Variants in FOXP1 observed in about 807,000 individuals in gnomAD.
The protein encoded by FOXP1 is forkhead box P1, also known as forkhead box protein P1.
Under a neutral mutation model 98.2 loss-of-function variants are expected in FOXP1, and 15 were observed. The observed-to-expected ratio is 0.15, with a 90% CI of 0.10 to 0.24. The LOEUF (loss-of-function observed/expected upper bound fraction) is 0.24, where lower values mean the gene tolerates loss of function less well. FOXP1 is among the 10% of genes least tolerant of loss of function. FOXP1 has a pLI of 1.00. For synonymous variants in FOXP1, 371 were observed against 314.5 expected, an observed-to-expected ratio of 1.18 and a Z score of -1.90; for missense variants, 633 against 848.5, an observed-to-expected ratio of 0.75 and a Z score of 3.15.
chr3:71,101,880 T>C (rs1276460774), intron 7 of FOXP1, among the ~76,000 whole-genome samples: 2 of 152,144 alleles, frequency 1.3e-5, no homozygotes, highest in Non-Finnish European at 2.9e-5. Flanking sequence ...TTTACCAAAG[T>C]TCTTCAATGG....
chr3:71,024,217 G>GT (rs1272551266), intron 11 of FOXP1, among the ~76,000 whole-genome samples: 1 of 152,146 alleles, frequency 6.6e-6, no homozygotes, highest in East Asian at 1.9e-4. Flanking sequence ...GGCCGCATGC[G>GT]TTTCCCTGGC....
intron 6 of FOXP1, among the ~76,000 whole-genome samples, chr3:71,177,246 C>T (rs2061997380): frequency 6.6e-6 from 1 of 152,092 alleles, no homozygotes. Context: ...ATGAAACCAA[C>T]CTAAGTTACA....
chr3:71,308,797 GTGTGTGT>G (rs2074479770), intron 4 of FOXP1, among the ~76,000 whole-genome samples: 2 of 147,450 alleles, frequency 1.4e-5, no homozygotes, highest in Non-Finnish European at 1.5e-5. Flanking sequence ...GTGTGTGTGT[GTGTGTGT>G]GTGGGTGAGG....
At chr3:71,140,426 T>G (rs2060012817) in intron 6 of FOXP1, among the ~76,000 whole-genome samples, 1 of 152,242 alleles carries the variant, frequency 6.6e-6, no homozygotes, top group African/African-American at 2.4e-5. Context: ...GAAGTACTTC[T>G]GGTTTTGGAT....
intron 6 of FOXP1, among the ~76,000 whole-genome samples, chr3:71,182,308 T>C (rs2062359922): frequency 6.6e-6 from 1 of 152,122 alleles, no homozygotes; most frequent in Non-Finnish European, 1.5e-5. Flanking sequence ...CCCTTATTCC[T>C]ATGCAAAAAA....
At chr3:71,492,260 T>C (rs1308066322) in intron 3 of FOXP1, among the ~76,000 whole-genome samples, 2 of 152,098 alleles carry the variant, frequency 1.3e-5, no homozygotes, top group African/African-American at 4.8e-5. Context: ...GAGACCAGCC[T>C]GGCCAATGTG....
At chr3:71,418,742 T>A (rs765519699) in intron 3 of FOXP1, among the ~76,000 whole-genome samples, 1 of 152,112 alleles carries the variant, frequency 6.6e-6, no homozygotes, top group East Asian at 1.9e-4. Context: ...CAATATTTTG[T>A]CCAGTTAGCC....
intron 6 of FOXP1, among the ~76,000 whole-genome samples, chr3:71,173,356 C>A (rs1392897091): frequency 3.4e-5 from 5 of 148,402 alleles, no homozygotes; most frequent in Admixed American, 2.1e-4. Flanking sequence ...ATGGGAACTG[C>A]CTCAATTTAG....
At chr3:71,305,167 G>A (rs1029524934) in intron 4 of FOXP1, among the ~76,000 whole-genome samples, 9 of 152,162 alleles carry the variant, frequency 5.9e-5, no homozygotes, top group African/African-American at 1.9e-4. Flanking sequence ...TGAATATGGT[G>A]CTTTCTAAAG....
intron 3 of FOXP1, among the ~76,000 whole-genome samples, chr3:71,407,452 C>G (rs551848550): frequency 6.6e-6 from 1 of 152,280 alleles, no homozygotes; most frequent in East Asian, 1.9e-4. Flanking sequence ...TTACATTATG[C>G]ACCATATTAT....
chr3:70,969,808 C>A (rs2035805894), intron 19 of FOXP1: 1 of 152,118 alleles, frequency 6.6e-6, no homozygotes, highest in African/African-American at 2.4e-5. Flanking sequence ...CAGAGGACTG[C>A]AATGGTATTG....
chr3:71,340,376 C>A (rs569181078), intron 4 of FOXP1, among the ~76,000 whole-genome samples: 36 of 152,300 alleles, frequency 2.4e-4, no homozygotes, highest in African/African-American at 7.7e-4. Context: ...CTAGCATACA[C>A]TACTTGTGCC....
chr3:71,366,782 C>T (rs983658146), intron 3 of FOXP1, among the ~76,000 whole-genome samples: 1 of 152,194 alleles, frequency 6.6e-6, no homozygotes, highest in African/African-American at 2.4e-5. Context: ...GTATCTTACG[C>T]ACTCAATTAA....
At chr3:70,959,463 T>G in intron 20 of FOXP1, 72 bp from the exon 21 acceptor site, 1 of 1,579,856 alleles carries the variant, frequency 6.3e-7, no homozygotes, top group Non-Finnish European at 8.7e-7. Context: ...CTGAAAAGTT[T>G]GGGGCAACAG....
intron 6 of FOXP1, among the ~76,000 whole-genome samples, chr3:71,192,187 G>C (rs527539230): frequency 3.6e-4 from 55 of 152,294 alleles, no homozygotes; most frequent in African/African-American, 1.3e-3. Flanking sequence ...GCTACAACGG[G>C]AAAGGCCAAT....
chr3:71,301,236 C>T (rs1383011547), intron 4 of FOXP1, among the ~76,000 whole-genome samples: 2 of 152,116 alleles, frequency 1.3e-5, no homozygotes, highest in Non-Finnish European at 2.9e-5. Context: ...CAAAACAATT[C>T]AAATTGAAAA....
chr3:71,069,258 G>C (rs1040820329), intron 7 of FOXP1, among the ~76,000 whole-genome samples: 1 of 152,116 alleles, frequency 6.6e-6, no homozygotes, highest in Non-Finnish European at 1.5e-5. Context: ...TGGTTAATTT[G>C]TATATACACA....
chr3:71,344,107 C>T (rs574928271), intron 4 of FOXP1, among the ~76,000 whole-genome samples: 11 of 152,322 alleles, frequency 7.2e-5, no homozygotes, highest in African/African-American at 2.2e-4. Flanking sequence ...TGTGTGAGTA[C>T]ATCCGCCATC....
intron 3 of FOXP1, among the ~76,000 whole-genome samples, chr3:71,487,796 A>C (rs1265030244): frequency 6.6e-6 from 1 of 152,258 alleles, no homozygotes; most frequent in African/African-American, 2.4e-5. Flanking sequence ...TAATCCCGTA[A>C]GGGGCTTAGA....
Sources: allele counts gnomAD v4.1 joint callset (sites outside exome capture counted in the v4.1 genomes callset), GRCh38; gene constraint gnomAD v4.1.1; transcripts MANE v1.5; gene names NCBI Gene and HGNC (gene_info 2026-07-23, HGNC 2026-07-21).